The following PPP2R2C variants were observed in gnomAD, a reference collection of about 807,000 sequenced individuals.
PPP2R2C encodes the protein protein phosphatase 2 regulatory subunit Bgamma.
In PPP2R2C, 10 loss-of-function variants were observed where a neutral mutation model predicts 45.3. The observed-to-expected ratio is 0.22, with a 90% CI of 0.14 to 0.37. PPP2R2C has a LOEUF of 0.37. Ranked by LOEUF, PPP2R2C falls within the 10% of genes least tolerant of loss-of-function variation. PPP2R2C has a pLI of 1.00. For missense variants in PPP2R2C, 308 were observed against 619.7 expected, an observed-to-expected ratio of 0.50 and a Z score of 5.34; for synonymous variants, 257 against 245.4, an observed-to-expected ratio of 1.05 and a Z score of -0.44.
rs142044042 is a variant in PPP2R2C, at chr4:6,411,930, C to T, written c.71-30836G>A. On this transcript the variant is annotated intron_variant, in intron 1 of 8. Transcript: ENST00000382599. The stretch of plus-strand genomic sequence containing the variant: ...TGGTTACTTAACATCCCTGGTGCAT[C>T]ATCTGGGAAATGGTAGTAATTAACG... Among the ~76,000 whole-genome samples, 719 of 152,326 alleles carry T rather than the reference C, an allele frequency of 4.7e-3. 7 individuals carry two copies. The highest frequency in any genetic ancestry group is 0.016 in the African/African-American group (662 of 41,566).
intron 1 of PPP2R2C, among the ~76,000 whole-genome samples, chr4:6,440,641 G>A (rs543276648): frequency 6.6e-6 from 1 of 152,352 alleles, no homozygotes; most frequent in East Asian, 1.9e-4. Flanking sequence ...GCTGTCTGTG[G>A]TGCTTACTTC....
intron 1 of PPP2R2C, among the ~76,000 whole-genome samples, chr4:6,548,935 C>T (rs1446119204): frequency 1.3e-5 from 2 of 152,160 alleles, no homozygotes; most frequent in Non-Finnish European, 2.9e-5. Flanking sequence ...CTTGGCAGCC[C>T]TCTCCCCGCC....
chr4:6,449,848 GACAGAGGCAC>G (rs1720642600), intron 1 of PPP2R2C, among the ~76,000 whole-genome samples: 1 of 152,170 alleles, frequency 6.6e-6, no homozygotes, highest in African/African-American at 2.4e-5. Flanking sequence ...GCCAGTCCTG[GACAGAGGCAC>G]ACGGTTCCCA....
intron 8 of PPP2R2C, among the ~76,000 whole-genome samples, chr4:6,325,156 C>G (rs1731842214): frequency 6.6e-6 from 1 of 152,198 alleles, no homozygotes; most frequent in Non-Finnish European, 1.5e-5. Flanking sequence ...CTGCCCTACC[C>G]TGACATGCGC....
At chr4:6,416,876 C>T (rs956429423) in intron 1 of PPP2R2C, among the ~76,000 whole-genome samples, 1 of 152,218 alleles carries the variant, frequency 6.6e-6, no homozygotes, top group Non-Finnish European at 1.5e-5. Context: ...CTCCCTTCCC[C>T]CTGTCGGGGG....
chr4:6,563,208 G>A lies in PPP2R2C; in HGVS notation c.-59+352C>T, dbSNP rs929325746. Among the ~76,000 whole-genome samples the A allele has an allele frequency of 8.5e-5, 13 of 152,354 alleles. No individual in the cohort carries two copies. Among genetic ancestry groups the A allele is most frequent in the Admixed American group, 8.5e-4 (13 of 15,310 alleles). ...GGCCGAGACGCTGTGGCTGACACCGGTGGAGCGATCTGCCCTGGCTCGCGC... is the reference window on the plus strand; with the variant it reads ...GGCCGAGACGCTGTGGCTGACACCGATGGAGCGATCTGCCCTGGCTCGCGC... On this transcript the variant is annotated intron_variant, in intron 1 of 9. Transcript: ENST00000506140. This position sits in a 1 kb window ranked among gnomAD's most constrained non-coding sequence, Gnocchi z 5.8.
chr4:6,420,962 G>A, intron 1 of PPP2R2C: 1 of 985,262 alleles, frequency 1.0e-6, no homozygotes, highest in Non-Finnish European at 1.2e-6. Flanking sequence ...GGCCTCAGAA[G>A]GGCAGCAGCC....
chr4:6,371,275 G>C (rs1714805820), intron 5 of PPP2R2C, among the ~76,000 whole-genome samples: 1 of 152,236 alleles, frequency 6.6e-6, no homozygotes, highest in Non-Finnish European at 1.5e-5. Context: ...GCTTTGCTCT[G>C]TTCCCTTCCC....
At chr4:6,383,408 C>G in intron 1 of PPP2R2C, 1 of 1,289,870 alleles carries the variant, frequency 7.8e-7, no homozygotes, top group Non-Finnish European at 1.0e-6. Context: ...ACCTCCTCCC[C>G]TTCCCCAGCC....
At chr4:6,529,588 G>A (rs1220443496) in intron 2 of PPP2R2C, among the ~76,000 whole-genome samples, 7 of 152,198 alleles carry the variant, frequency 4.6e-5, no homozygotes, top group Admixed American at 1.3e-4. Context: ...CTGGGTTGCG[G>A]TTCACATGCA....
intron 5 of PPP2R2C, among the ~76,000 whole-genome samples, chr4:6,358,864 T>C (rs1713474092): frequency 6.6e-6 from 1 of 152,192 alleles, no homozygotes; most frequent in African/African-American, 2.4e-5. Flanking sequence ...GGAGAGGATG[T>C]GGAGAAATAG....
chr4:6,526,695 G>C (rs1380093496), intron 2 of PPP2R2C, among the ~76,000 whole-genome samples: 1 of 152,190 alleles, frequency 6.6e-6, no homozygotes, highest in East Asian at 1.9e-4. Context: ...AGAATCCGGG[G>C]GCTGGTCTTT....
intron 1 of PPP2R2C, among the ~76,000 whole-genome samples, chr4:6,430,112 T>C (rs943321474): frequency 6.6e-6 from 1 of 152,162 alleles, no homozygotes; most frequent in African/African-American, 2.4e-5. Flanking sequence ...ATTTAAGAAG[T>C]GGGCACATGA....
At chr4:6,474,816 C>G (rs371343998), upstream of PPP2R2C, among the ~76,000 whole-genome samples, 15 of 148,400 alleles carry the variant, frequency 1.0e-4, 1 homozygote, top group African/African-American at 3.5e-4. Context: ...TCCAGCACAA[C>G]CGAGGACTCT....
chr4:6,422,369 G>A (rs1437276486), intron 1 of PPP2R2C, among the ~76,000 whole-genome samples: 1 of 152,182 alleles, frequency 6.6e-6, no homozygotes, highest in Non-Finnish European at 1.5e-5. Flanking sequence ...TGTGGCTCCG[G>A]CAAACGAGTT....
intron 1 of PPP2R2C, among the ~76,000 whole-genome samples, chr4:6,424,751 G>A (rs1201437531): frequency 1.3e-5 from 2 of 152,168 alleles, no homozygotes; most frequent in Non-Finnish European, 1.5e-5. Flanking sequence ...AGATGCAGGG[G>A]TGGGGGCAAA....
At position 6,395,660 on chromosome 4, in the gene PPP2R2C, G is replaced by A. The variant is rs577578343; in HGVS notation, c.71-14566C>T. 3.9e-4 allele frequency among the ~76,000 whole-genome samples: 60 copies of A among 152,298 alleles called. No individual in the cohort carries two copies. In the Middle Eastern group the frequency reaches 0.01, roughly 26 times the overall value. ...AGAGCTGCTGTGGTATGCCAAGGGC[G>A]CAGACCCGCCAGTCATACAGAGTGG... On this transcript the variant is annotated intron_variant, in intron 1 of 8. Coordinates refer to ENST00000382599, the MANE Select transcript of PPP2R2C (RefSeq NM_020416.4).
At chr4:6,528,381 G>A in intron 2 of PPP2R2C, among the ~76,000 whole-genome samples, 1 of 152,220 alleles carries the variant, frequency 6.6e-6, no homozygotes, top group East Asian at 1.9e-4. Flanking sequence ...CAGCTGAAGG[G>A]TGGCTGCCTG....
chr4:6,354,774 G>C (rs1405632049), intron 5 of PPP2R2C, among the ~76,000 whole-genome samples: 1 of 151,584 alleles, frequency 6.6e-6, no homozygotes, highest in Non-Finnish European at 1.5e-5. Context: ...GCTGATACCT[G>C]AGCCCGGGTG....
Sources: gnomAD v4.1 joint callset for allele counts (sites outside exome capture counted in the v4.1 genomes callset) on GRCh38, gnomAD v4.1.1 for gene constraint, Gnocchi (gnomAD v3.1) non-coding constraint, MANE v1.5 for transcripts, NCBI Gene and HGNC (gene_info 2026-07-23, HGNC 2026-07-21) for gene names.